The following MAGI1 variants were observed in gnomAD, a reference collection of about 807,000 sequenced individuals.
MAGI1 encodes membrane-associated guanylate kinase, WW and PDZ domain-containing protein 1.
MAGI1 carries 58 observed loss-of-function variants against 139.9 expected under a neutral mutation model. The observed-to-expected ratio is 0.41, with a 90% CI of 0.34 to 0.52. The LOEUF (loss-of-function observed/expected upper bound fraction) is 0.52, where lower values mean the gene tolerates loss of function less well. Among genes scored for constraint, MAGI1 ranks in the 20% least tolerant of loss-of-function variants. The probability of loss-of-function intolerance (pLI) is 0.12; values close to 1 mark genes in which losing one functional copy is unlikely to be tolerated. For missense variants in MAGI1, 1,874 were observed against 1,901.6 expected, an observed-to-expected ratio of 0.99 and a Z score of 0.27; for synonymous variants, 812 against 737.9, an observed-to-expected ratio of 1.10 and a Z score of -1.63.
chr3:65,401,759 T>C (rs1010719540), intron 12 of MAGI1: 4 of 1,414,654 alleles, frequency 2.8e-6, no homozygotes, highest in African/African-American at 2.9e-5. Flanking sequence ...GCCTGGGAAA[T>C]TGAACACTTG....
rs1365332118 is a variant in MAGI1 at position 65,818,663 on chromosome 3, G to T, written c.314-196575C>A. 2.6e-5 allele frequency among the ~76,000 whole-genome samples: 4 copies of T among 152,176 alleles called. No individual in the cohort carries two copies. In the South Asian group the frequency reaches 8.3e-4, roughly 32 times the overall value. On this transcript the variant is annotated intron_variant, in intron 1 of 22. Transcript: ENST00000402939. ...CGTTTAATAACTCAAGGGGAAGGCA[G>T]GGAGTTCAAGATGAGGCCAGAGAAT...
At chr3:65,907,893 G>A (rs1247837471) in intron 1 of MAGI1, among the ~76,000 whole-genome samples, 2 of 151,976 alleles carry the variant, frequency 1.3e-5, no homozygotes, top group African/African-American at 2.4e-5. Context: ...TCATACTTGC[G>A]TCTCAACTTA....
chr3:65,788,830 A>G (rs1158841816), intron 1 of MAGI1, among the ~76,000 whole-genome samples: 1 of 152,220 alleles, frequency 6.6e-6, no homozygotes, highest in African/African-American at 2.4e-5. Context: ...GAAAATTTAG[A>G]GAAGTTTATT....
intron 1 of MAGI1, among the ~76,000 whole-genome samples, chr3:65,824,249 C>T (rs1036538496): frequency 1.3e-5 from 2 of 152,168 alleles, no homozygotes; most frequent in African/African-American, 4.8e-5. Context: ...TTTCCCTAAG[C>T]CCATGTGGGA....
At chr3:66,037,959 T>C (rs902715163) in intron 1 of MAGI1, 37 bp downstream of exon 1, 13 of 1,519,728 alleles carry the variant, frequency 8.6e-6, no homozygotes, top group Non-Finnish European at 1.1e-5. Flanking sequence ...CACCCTCCTT[T>C]TCTCGGGGCG....
At chr3:65,995,657 T>C (rs1014238830) in intron 1 of MAGI1, among the ~76,000 whole-genome samples, 3 of 152,070 alleles carry the variant, frequency 2.0e-5, no homozygotes, top group Non-Finnish European at 2.9e-5. Flanking sequence ...GCAAGCACAT[T>C]CCTGAAGCAG....
intron 4 of MAGI1, among the ~76,000 whole-genome samples, chr3:65,471,460 C>T (rs532002370): frequency 1.3e-5 from 2 of 152,286 alleles, no homozygotes; most frequent in Admixed American, 1.3e-4. Flanking sequence ...ATGAGAAGCT[C>T]CCAATGACAC....
At chr3:65,492,871 G>A (rs967215777) in intron 3 of MAGI1, among the ~76,000 whole-genome samples, 1 of 152,084 alleles carries the variant, frequency 6.6e-6, no homozygotes, top group Non-Finnish European at 1.5e-5. Flanking sequence ...GAGGTCAGGA[G>A]ATCGAGACGA....
At chr3:65,735,699 A>G (rs2107755709) in intron 1 of MAGI1, among the ~76,000 whole-genome samples, 1 of 152,262 alleles carries the variant, frequency 6.6e-6, no homozygotes, top group African/African-American at 2.4e-5. Flanking sequence ...CTGAAGACAA[A>G]AAGAAAAGCA....
At chr3:65,462,218 C>A (rs1949846639) in intron 5 of MAGI1, among the ~76,000 whole-genome samples, 1 of 152,086 alleles carries the variant, frequency 6.6e-6, no homozygotes, top group Admixed American at 6.5e-5. Context: ...AAAGGTATTG[C>A]CTAGATTTTC....
chr3:65,848,428 C>A (rs1048117270), intron 1 of MAGI1, among the ~76,000 whole-genome samples: 2 of 152,112 alleles, frequency 1.3e-5, no homozygotes, highest in Non-Finnish European at 2.9e-5. Context: ...CTCCTGGCCC[C>A]ATGGACCTAT....
At chr3:66,017,968 G>A (rs547336292) in intron 1 of MAGI1, among the ~76,000 whole-genome samples, 8 of 152,280 alleles carry the variant, frequency 5.3e-5, no homozygotes, top group Non-Finnish European at 8.8e-5. Flanking sequence ...ACTCTTCTTT[G>A]GGAATTAATA....
In MAGI1 at chr3:65,372,741, T is replaced by G. The variant is rs1482807087; in HGVS notation, c.3196+3004A>C. ...TGGAAAACTAGCTGCAGTTTTATAT[T>G]TGCACTTGCTGCTTCCCCTTATACT... On this transcript the variant is annotated intron_variant, in intron 18 of 22. Coordinates refer to ENST00000402939, the MANE Select transcript of MAGI1 (RefSeq NM_001033057.2). Among the ~76,000 whole-genome samples, 4 of 152,232 alleles carry G rather than the reference T, an allele frequency of 2.6e-5. No homozygotes were observed. The South Asian group carries it at 8.3e-4, about 32-fold the overall frequency.
At chr3:65,360,557 G>T in intron 22 of MAGI1, 1 of 984,736 alleles carries the variant, frequency 1.0e-6, no homozygotes, top group Non-Finnish European at 1.2e-6. Context: ...TTTCCCTCAT[G>T]ATGAGCACTG....
At chr3:65,908,585 A>G (rs1022816875) in intron 1 of MAGI1, among the ~76,000 whole-genome samples, 1 of 152,200 alleles carries the variant, frequency 6.6e-6, no homozygotes, top group Non-Finnish European at 1.5e-5. Flanking sequence ...CACCCGGCCA[A>G]TCCTTATTAT....
chr3:65,679,690 G>A (rs1310013623), intron 1 of MAGI1, among the ~76,000 whole-genome samples: 3 of 152,224 alleles, frequency 2.0e-5, no homozygotes, highest in African/African-American at 7.2e-5. Flanking sequence ...CACGCTGCCT[G>A]TGACTCAAGG....
intron 1 of MAGI1, among the ~76,000 whole-genome samples, chr3:65,733,183 C>A (rs775133531): frequency 6.6e-6 from 1 of 152,056 alleles, no homozygotes; most frequent in African/African-American, 2.4e-5. Context: ...CTCAGCCTCC[C>A]GAGTAGCTGG....
At chr3:65,576,392 G>C (rs1406111434) in intron 2 of MAGI1, among the ~76,000 whole-genome samples, 1 of 152,108 alleles carries the variant, frequency 6.6e-6, no homozygotes, top group Admixed American at 6.6e-5. Context: ...ATCCTACGTA[G>C]ACAATGCTAA....
At chr3:65,949,464 C>T (rs2063693513) in intron 1 of MAGI1, among the ~76,000 whole-genome samples, 1 of 152,200 alleles carries the variant, frequency 6.6e-6, no homozygotes, top group Admixed American at 6.5e-5. Flanking sequence ...AAGTTTACTG[C>T]TTCATTTTAC....
Sources: allele counts gnomAD v4.1 joint callset (sites outside exome capture counted in the v4.1 genomes callset), GRCh38; gene constraint gnomAD v4.1.1; transcripts MANE v1.5; gene names NCBI Gene and HGNC (gene_info 2026-07-23, HGNC 2026-07-21).